BTBD9: variants seen among roughly 807,000 people sequenced by gnomAD.
BTBD9 encodes the protein BTB/POZ domain-containing protein 9.
BTBD9 carries 49 observed loss-of-function variants against 64.3 expected under a neutral mutation model. The ratio of observed to expected loss-of-function variants is 0.76; its 90% CI spans 0.61 to 0.97. The LOEUF (loss-of-function observed/expected upper bound fraction) is 0.97, where lower values mean the gene tolerates loss of function less well. BTBD9 is among the 50% of genes least tolerant of loss of function. BTBD9 has a pLI of 0.00. For missense variants in BTBD9, 598 were observed against 762.1 expected (o/e 0.78, Z 2.53); for synonymous variants, 260 against 274.7 (o/e 0.95, Z 0.53).
In BTBD9 at chr6:38,184,305, T is replaced by A. The variant is rs943125693; in HGVS notation, c.1641+8214A>T. ...TCCCGGCTGTCCCTGCACTGCCTCCTCTCTGGCCCAGTACCTCGCATGCAC... is the reference window on the plus strand; with the variant it reads ...TCCCGGCTGTCCCTGCACTGCCTCCACTCTGGCCCAGTACCTCGCATGCAC... On this transcript the variant is annotated intron_variant, in intron 10 of 10. Coordinates refer to ENST00000481247, the MANE Select transcript of BTBD9 (RefSeq NM_001099272.2). The surrounding 1 kb of genome is among the most constrained non-coding windows in gnomAD (Gnocchi z 4.4). Among the ~76,000 whole-genome samples, 1 of 152,194 alleles carries A rather than the reference T, an allele frequency of 6.6e-6. No homozygotes were observed. Among genetic ancestry groups the A allele is most frequent in the African/African-American group, 2.4e-5 (1 of 41,446 alleles).
At chr6:38,496,808 T>C (rs182311452) in intron 6 of BTBD9, among the ~76,000 whole-genome samples, 244 of 152,312 alleles carry the variant, frequency 1.6e-3, no homozygotes, top group African/African-American at 5.5e-3. Flanking sequence ...GGCTTCTAGC[T>C]TTTGCCAGCT....
chr6:38,344,865 A>G, intron 7 of BTBD9, 119 bp downstream of exon 7: 1 of 538,306 alleles, frequency 1.9e-6, no homozygotes, highest in Middle Eastern at 5.2e-4. Flanking sequence ...TCACCTAGCA[A>G]TAAGGCATTT....
At chr6:38,372,227 A>T (rs1340083220) in intron 6 of BTBD9, among the ~76,000 whole-genome samples, 1 of 152,226 alleles carries the variant, frequency 6.6e-6, no homozygotes, top group Non-Finnish European at 1.5e-5. Context: ...AAGTGATTAA[A>T]ATTTAAGTAT....
intron 6 of BTBD9, among the ~76,000 whole-genome samples, chr6:38,460,805 T>G (rs1399672062): frequency 2.0e-5 from 3 of 152,126 alleles, no homozygotes; most frequent in Non-Finnish European, 4.4e-5. Context: ...TGTATTTTAG[T>G]AGAGACGGGG....
intron 6 of BTBD9, among the ~76,000 whole-genome samples, chr6:38,455,092 G>A (rs1373983114): frequency 6.6e-6 from 1 of 152,146 alleles, no homozygotes; most frequent in Non-Finnish European, 1.5e-5. Context: ...AATACCTAAA[G>A]AGCACTGTCC....
chr6:38,388,276 C>A (rs554952543), intron 6 of BTBD9, among the ~76,000 whole-genome samples: 1 of 150,522 alleles, frequency 6.6e-6, no homozygotes, highest in Non-Finnish European at 1.5e-5. Context: ...CACAGTTTAA[C>A]TGGCTGGAGC....
At chr6:38,342,750 C>T (rs1214991383) in intron 7 of BTBD9, among the ~76,000 whole-genome samples, 4 of 152,150 alleles carry the variant, frequency 2.6e-5, no homozygotes, top group South Asian at 2.1e-4. Context: ...CCTGTACCCC[C>T]GTAGAGGACC....
chr6:38,629,710 T>A (rs1453952062), intron 1 of BTBD9, among the ~76,000 whole-genome samples: 1 of 151,896 alleles, frequency 6.6e-6, no homozygotes, highest in Admixed American at 6.6e-5. Flanking sequence ...TAATCCCAGC[T>A]ACTAGGGAGG....
At chr6:38,392,753 G>GAAAAC in intron 6 of BTBD9, among the ~76,000 whole-genome samples, 1 of 151,224 alleles carries the variant, frequency 6.6e-6, no homozygotes, top group South Asian at 2.1e-4. Context: ...GAGGGAAACT[G>GAAAAC]AAAACAAAAC....
rs1485771472 is a variant in BTBD9 at position 38,253,259 on chromosome 6, GGC to G, written c.1562+3148_1562+3149del. 3.9e-5 allele frequency among the ~76,000 whole-genome samples: 6 copies of G among 152,310 alleles called. No individual in the cohort carries two copies. The East Asian group carries it at 1.2e-3, about 29-fold the overall frequency. On this transcript the variant is annotated intron_variant, in intron 9 of 10. Coordinates refer to ENST00000481247, the MANE Select transcript of BTBD9 (RefSeq NM_001099272.2). ...CTTTAATTGACTCACACTTCCATAT[GGC>G]TGGAGAGGCCTCAGGAAACTTACAA...
chr6:38,215,492 T>G (rs1166296274), intron 9 of BTBD9, among the ~76,000 whole-genome samples: 1 of 152,198 alleles, frequency 6.6e-6, no homozygotes, highest in African/African-American at 2.4e-5. Flanking sequence ...GAGCTGCTAA[T>G]GAAGGCCCTG....
intron 9 of BTBD9, among the ~76,000 whole-genome samples, chr6:38,199,134 G>T (rs1273252511): frequency 6.6e-6 from 1 of 152,118 alleles, no homozygotes; most frequent in Non-Finnish European, 1.5e-5. Context: ...TTTCCCTCTG[G>T]AGACCATGAA....
intron 6 of BTBD9, among the ~76,000 whole-genome samples, chr6:38,423,063 G>A (rs750795319): frequency 5.3e-5 from 8 of 152,032 alleles, no homozygotes; most frequent in Admixed American, 2.6e-4. Flanking sequence ...CCAGGAGTTC[G>A]AGATCAGCAT....
intron 6 of BTBD9, among the ~76,000 whole-genome samples, chr6:38,574,830 A>G (rs552038671): frequency 3.3e-5 from 5 of 152,254 alleles, no homozygotes; most frequent in Non-Finnish European, 7.4e-5. Context: ...CAAGAATTTG[A>G]GAAGAGTTCG....
At chr6:38,361,903 T>C (rs1277167942) in intron 6 of BTBD9, among the ~76,000 whole-genome samples, 3 of 152,050 alleles carry the variant, frequency 2.0e-5, no homozygotes, top group East Asian at 3.9e-4. Flanking sequence ...CACAAGTATT[T>C]CAAAAGCAAA....
At chr6:38,529,411 G>T (rs999237577) in intron 6 of BTBD9, among the ~76,000 whole-genome samples, 2 of 152,194 alleles carry the variant, frequency 1.3e-5, no homozygotes, top group Admixed American at 6.5e-5. Context: ...AGCAGATATA[G>T]CTGCAGTGAC....
At chr6:38,341,474 G>A (rs1187601121) in intron 7 of BTBD9, among the ~76,000 whole-genome samples, 7 of 152,172 alleles carry the variant, frequency 4.6e-5, no homozygotes, top group Non-Finnish European at 1.5e-5. Flanking sequence ...TTTTAAAGCT[G>A]GGTGATAGGT....
At chr6:38,423,621 C>T (rs1159389779) in intron 6 of BTBD9, among the ~76,000 whole-genome samples, 2 of 152,072 alleles carry the variant, frequency 1.3e-5, no homozygotes, top group African/African-American at 4.8e-5. Flanking sequence ...TTACAAGTTA[C>T]CATAAAATGA....
At position 38,635,293 on chromosome 6, in the gene BTBD9, A is replaced by G. The variant is rs139556994; in HGVS notation, c.-28+4507T>C. On this transcript the variant is annotated intron_variant, in intron 1 of 10. Coordinates refer to ENST00000481247, the MANE Select transcript of BTBD9 (RefSeq NM_001099272.2). ...TGGGATTACAGGTGTGCACCACCCC[A>G]CCCAGCTAATTTTTATATTTTTAGT... Among the ~76,000 whole-genome samples, 957 of 151,980 alleles carry G rather than the reference A, an allele frequency of 6.3e-3. 9 individuals are homozygous for G. Among genetic ancestry groups the G allele is most frequent in the African/African-American group, 0.022 (897 of 41,416 alleles).
Sources: gnomAD v4.1 joint callset for allele counts (sites outside exome capture counted in the v4.1 genomes callset) on GRCh38, gnomAD v4.1.1 for gene constraint, Gnocchi (gnomAD v3.1) non-coding constraint, MANE v1.5 for transcripts, NCBI Gene and HGNC (gene_info 2026-07-23, HGNC 2026-07-21) for gene names.